The following SOX5 variants were observed in gnomAD, a reference collection of about 807,000 sequenced individuals.
SOX5 encodes the protein transcription factor SOX-5.
SOX5 carries 9 observed loss-of-function variants against 92.0 expected under a neutral mutation model. The observed-to-expected ratio is 0.10, with a 90% CI of 0.06 to 0.17. The LOEUF (loss-of-function observed/expected upper bound fraction) is 0.17, where lower values mean the gene tolerates loss of function less well. SOX5 is among the 10% of genes least tolerant of loss of function. The probability of loss-of-function intolerance (pLI) is 1.00; values close to 1 mark genes in which losing one functional copy is unlikely to be tolerated. For synonymous variants in SOX5, 344 were observed against 336.3 expected, an observed-to-expected ratio of 1.02 and a Z score of -0.25; for missense variants, 642 against 944.5, an observed-to-expected ratio of 0.68 and a Z score of 4.20.
At chr12:24,270,331 T>G (rs1943566395) in intron 3 of SOX5, among the ~76,000 whole-genome samples, 1 of 152,208 alleles carries the variant, frequency 6.6e-6, no homozygotes, top group African/African-American at 2.4e-5. Context: ...AGTGCTGGGA[T>G]TACAAGTGTA....
At chr12:24,426,202 AAAACAAAC>A (rs555590436) in intron 1 of SOX5, among the ~76,000 whole-genome samples, 20 of 151,836 alleles carry the variant, frequency 1.3e-4, no homozygotes, top group African/African-American at 2.7e-4. Flanking sequence ...TCTTGTCTCA[AAAACAAAC>A]AAACAAACAA....
chr12:24,046,138 G>T (rs144106251), intron 4 of SOX5, among the ~76,000 whole-genome samples: 1 of 152,162 alleles, frequency 6.6e-6, no homozygotes, highest in Non-Finnish European at 1.5e-5. Context: ...TCTAAATAAC[G>T]TGACTTTGTG....
At chr12:24,094,135 G>GC (rs1945027239) in intron 4 of SOX5, among the ~76,000 whole-genome samples, 2 of 151,998 alleles carry the variant, frequency 1.3e-5, no homozygotes, top group East Asian at 3.9e-4. Context: ...TTAGTAGAGA[G>GC]GGGGTTTCAC....
intron 1 of SOX5, among the ~76,000 whole-genome samples, chr12:24,397,395 T>G (rs1468627200): frequency 6.6e-6 from 1 of 152,216 alleles, no homozygotes; most frequent in East Asian, 1.9e-4. Flanking sequence ...AAATTCTTCT[T>G]TACAATTTAC....
chr12:24,347,327 T>G (rs542465329), intron 2 of SOX5, among the ~76,000 whole-genome samples: 2 of 152,324 alleles, frequency 1.3e-5, no homozygotes, highest in Admixed American at 1.3e-4. Context: ...TGAGCATCCT[T>G]GAAATTTGGT....
intron 1 of SOX5, among the ~76,000 whole-genome samples, chr12:24,496,368 G>A (rs1348999432): frequency 6.6e-6 from 1 of 152,144 alleles, no homozygotes; most frequent in Non-Finnish European, 1.5e-5. Context: ...TAGAGAAAGT[G>A]TCATTGACTT....
chr12:24,034,298 C>T (rs1430561621), intron 4 of SOX5, among the ~76,000 whole-genome samples: 1 of 152,016 alleles, frequency 6.6e-6, no homozygotes, highest in Admixed American at 6.6e-5. Context: ...AGATTATTAA[C>T]TTTTAAAATG....
intron 4 of SOX5, among the ~76,000 whole-genome samples, chr12:24,109,218 A>G (rs149845077): frequency 1.8e-4 from 27 of 152,250 alleles, no homozygotes; most frequent in African/African-American, 6.0e-4. Context: ...TTCACTTGCT[A>G]TTCTTGCTTT....
chr12:23,917,965 G>A (rs2097435262), intron 1 of SOX5, among the ~76,000 whole-genome samples: 1 of 151,978 alleles, frequency 6.6e-6, no homozygotes, highest in Non-Finnish European at 1.5e-5. Flanking sequence ...TTCATGATAT[G>A]GTAACGAATG....
intron 4 of SOX5, among the ~76,000 whole-genome samples, chr12:24,122,296 T>C (rs929606834): frequency 6.6e-6 from 1 of 152,184 alleles, no homozygotes; most frequent in African/African-American, 2.4e-5. Flanking sequence ...GCTGCCAAGA[T>C]GGGGAAGAGA....
At chr12:23,630,753 C>T (rs1242505982) in intron 8 of SOX5, among the ~76,000 whole-genome samples, 1 of 151,864 alleles carries the variant, frequency 6.6e-6, no homozygotes, top group Non-Finnish European at 1.5e-5. Flanking sequence ...AGGTAACTTG[C>T]CCAGAGTCAC....
At chr12:23,711,208 G>T (rs2092018057) in intron 6 of SOX5, among the ~76,000 whole-genome samples, 1 of 152,120 alleles carries the variant, frequency 6.6e-6, no homozygotes, top group Admixed American at 6.5e-5. Context: ...CTTTAAGAAA[G>T]CTCTGTTACT....
intron 8 of SOX5, among the ~76,000 whole-genome samples, chr12:23,639,838 C>T (rs1426766874): frequency 6.6e-6 from 1 of 152,200 alleles, no homozygotes; most frequent in Non-Finnish European, 1.5e-5. Flanking sequence ...TCTCTTGATG[C>T]TACAATATAA....
intron 1 of SOX5, among the ~76,000 whole-genome samples, chr12:24,406,664 T>C (rs1291842116): frequency 6.6e-6 from 1 of 152,170 alleles, no homozygotes; most frequent in Non-Finnish European, 1.5e-5. Flanking sequence ...ATGATTATGA[T>C]TTGATATTGG....
At chr12:24,240,363 A>T (rs1965337922) in intron 3 of SOX5, among the ~76,000 whole-genome samples, 1 of 152,156 alleles carries the variant, frequency 6.6e-6, no homozygotes, top group Non-Finnish European at 1.5e-5. Context: ...CTGAAAATTC[A>T]TTGTGTCAGG....
chr12:24,376,361 T>C (rs1036949906), intron 1 of SOX5, among the ~76,000 whole-genome samples: 2 of 152,178 alleles, frequency 1.3e-5, no homozygotes, highest in African/African-American at 4.8e-5. Context: ...GGGTATTACG[T>C]TAATCACATG....
At chr12:23,908,995 A>T (rs932443146) in intron 1 of SOX5, among the ~76,000 whole-genome samples, 1 of 152,152 alleles carries the variant, frequency 6.6e-6, no homozygotes, top group East Asian at 1.9e-4. Context: ...GTTTAAAAGC[A>T]TGGTTCATAC....
intron 10 of SOX5, among the ~76,000 whole-genome samples, chr12:23,569,958 T>C (rs1947858751): frequency 6.6e-6 from 1 of 152,216 alleles, no homozygotes. Context: ...GCAGGATCTG[T>C]TGAAGAAATA....
At chr12:24,506,784 CTT>C (rs386375924) in intron 1 of SOX5, among the ~76,000 whole-genome samples, 56 of 81,764 alleles carry the variant, frequency 6.8e-4, no homozygotes, top group Middle Eastern at 0.011. Flanking sequence ...TCCAAATGGT[CTT>C]TTTTTTTTTT....
Sources: allele counts gnomAD v4.1 joint callset (sites outside exome capture counted in the v4.1 genomes callset), GRCh38; gene constraint gnomAD v4.1.1; transcripts MANE v1.5; gene names NCBI Gene and HGNC (gene_info 2026-07-23, HGNC 2026-07-21).